The following USP37 variants were observed in gnomAD, a reference collection of about 807,000 sequenced individuals.
USP37 encodes ubiquitin carboxyl-terminal hydrolase 37.
In USP37, 27 loss-of-function variants were observed where a neutral mutation model predicts 124.0. That is an observed-to-expected ratio of 0.22 (90% CI 0.16 to 0.30). The LOEUF is 0.30. USP37 is among the 10% of genes least tolerant of loss of function. The probability of loss-of-function intolerance (pLI) is 1.00; values close to 1 mark genes in which losing one functional copy is unlikely to be tolerated. For missense variants in USP37, 889 were observed against 1,140.4 expected, an observed-to-expected ratio of 0.78 and a Z score of 3.17; for synonymous variants, 365 against 388.0, an observed-to-expected ratio of 0.94 and a Z score of 0.70.
intron 8 of USP37, among the ~76,000 whole-genome samples, chr2:218,536,386 T>A (rs1691646220): frequency 6.6e-6 from 1 of 152,164 alleles, no homozygotes; most frequent in African/African-American, 2.4e-5. Context: ...CACACCAACT[T>A]ATGTTTTTGA....
intron 11 of USP37, among the ~76,000 whole-genome samples, chr2:218,506,943 C>T (rs993447801): frequency 2.0e-5 from 3 of 151,654 alleles, no homozygotes; most frequent in African/African-American, 7.3e-5. Flanking sequence ...ATTACAGGCA[C>T]CCGCCACCAC....
At chr2:218,525,589 A>G (rs1690911352) in intron 10 of USP37, among the ~76,000 whole-genome samples, 1 of 152,228 alleles carries the variant, frequency 6.6e-6, no homozygotes, top group African/African-American at 2.4e-5. Flanking sequence ...ATATCTAACT[A>G]TCTGCTTCCT....
In USP37 at chr2:218,510,010, G is replaced by C; in HGVS notation, c.994C>G (p.Leu332Val). The change falls in exon 11 of 26, where the codon CTT becomes GTT. Residue 332 changes from leucine to valine, a missense_variant. Transcript: ENST00000258399. The part of the protein sequence containing the change: ...YTGWNKPRVP[L>V]SSHQQQQLQG... The stretch of plus-strand genomic sequence containing the variant: ...AGTTGCTGCTGTTGGTGAGAGGAAA[G>C]GGGCACTCTTGGTTTATTCCAGCCA... 6.3e-7 allele frequency: 1 copy of C among 1,590,196 alleles called. No homozygotes were observed. Among genetic ancestry groups the C allele is most frequent in the Non-Finnish European group, 8.6e-7 (1 of 1,163,654 alleles).
chr2:218,495,716 C>T, intron 14 of USP37, 44 bp downstream of exon 14: 1 of 1,546,352 alleles, frequency 6.5e-7, no homozygotes, highest in Non-Finnish European at 8.7e-7. Flanking sequence ...AATCACTTGC[C>T]ATAAAGAAGT....
rs61488353 is a variant in USP37, at chr2:218,557,930, C to CAAAAAAAAAAAAAAAAAAAAAA, written c.156+567_156+568insTTTTTTTTTTTTTTTTTTTTTT. Among the ~76,000 whole-genome samples, 29 of 35,658 alleles carry CAAAAAAAAAAAAAAAAAAAAAA rather than the reference C, an allele frequency of 8.1e-4. 1 individual carries two copies. The highest frequency in any genetic ancestry group is 1.5e-3 in the Admixed American group (3 of 1,940). 23.4% of individuals were successfully genotyped at this position (35,658 alleles called of 152,430 possible). ...TGGGTGACAGAGGAAGACTCTGTCT[C>CAAAAAAAAAAAAAAAAAAAAAA]AAAAAAAAAAAAAAAAAAAAGGTGA... is the stretch of plus-strand genomic sequence containing the variant. On this transcript the variant is annotated intron_variant, in intron 4 of 25. Transcript: ENST00000258399.
intron 9 of USP37, among the ~76,000 whole-genome samples, chr2:218,532,881 A>T (rs988281723): frequency 3.9e-5 from 6 of 151,974 alleles, no homozygotes; most frequent in African/African-American, 1.4e-4. Flanking sequence ...GTGAGACAAG[A>T]TCACACCACT....
At chr2:218,495,670 G>T (rs779242020) in intron 14 of USP37, 90 bp downstream of exon 14, 9 of 1,391,732 alleles carry the variant, frequency 6.5e-6, no homozygotes, top group African/African-American at 1.5e-5. Context: ...AAACAGAAAA[G>T]AATTCATGGC....
chr2:218,457,893 CA>C (rs1423769101), intron 23 of USP37, among the ~76,000 whole-genome samples: 4 of 151,468 alleles, frequency 2.6e-5, no homozygotes, highest in Non-Finnish European at 5.9e-5. Context: ...TAAAAAAACA[CA>C]AAAAATTAGC....
chr2:218,485,775 G>A (rs772053871), intron 15 of USP37, 32 bp from the exon 16 acceptor site: 1 of 1,587,078 alleles, frequency 6.3e-7, no homozygotes, highest in Admixed American at 1.9e-5. Context: ...AAGCATGAAG[G>A]TGAATCAGCA....
chr2:218,528,943 A>G (rs1691145040), intron 10 of USP37: 2 of 403,294 alleles, frequency 5.0e-6, no homozygotes, highest in East Asian at 7.1e-5. Context: ...TTTTTAAGGG[A>G]AATTCCTAAA....
At chr2:218,565,337 T>C (rs1407130596) in intron 1 of USP37, among the ~76,000 whole-genome samples, 1 of 152,242 alleles carries the variant, frequency 6.6e-6, no homozygotes, top group Non-Finnish European at 1.5e-5. Context: ...TGTTAAAATA[T>C]ACAAACCACT....
chr2:218,496,069 G>A (rs560483382), intron 13 of USP37, 119 bp from the exon 14 acceptor site: 29 of 981,096 alleles, frequency 3.0e-5, no homozygotes, highest in South Asian at 1.4e-4. Context: ...TGAGGCAGGC[G>A]GATCACTTGA....
Position 218,454,866 on chromosome 2 carries a change from GA to G in USP37, c.*63del. On this transcript the variant is annotated 3_prime_UTR_variant, in exon 26 of 26. Coordinates refer to ENST00000258399, the MANE Select transcript of USP37 (RefSeq NM_020935.3). ...AATTCCAAATTCTCCTTCAGCAGAG[GA>G]AAGGTGAGGTGGGCAGCAGTAACAA... 6.3e-7 allele frequency: 1 copy of G among 1,585,718 alleles called. No homozygotes were observed. The highest frequency in any genetic ancestry group is 1.1e-5 in the South Asian group (1 of 88,032).
At chr2:218,518,887 T>C (rs1057475219) in intron 10 of USP37, among the ~76,000 whole-genome samples, 6 of 152,238 alleles carry the variant, frequency 3.9e-5, no homozygotes, top group Admixed American at 3.3e-4. Context: ...TGCCACACTA[T>C]GTCTCCGGGA....
At chr2:218,493,601 G>C (rs1004235006) in intron 14 of USP37, among the ~76,000 whole-genome samples, 1 of 152,106 alleles carries the variant, frequency 6.6e-6, no homozygotes, top group African/African-American at 2.4e-5. Flanking sequence ...CTCCCTAGTA[G>C]CTGGGACTAC....
chr2:218,455,150 T>A, intron 25 of USP37, 133 bp from the exon 26 acceptor site: 2 of 1,106,880 alleles, frequency 1.8e-6, no homozygotes, highest in Non-Finnish European at 2.6e-6. Context: ...GTATTTTATT[T>A]AAAAAGCAGC....
chr2:218,562,656 A>T lies in USP37; in HGVS notation c.-89+17T>A, dbSNP rs1013904508. 2.5e-6 allele frequency: 1 copy of T among 398,280 alleles called. No homozygotes were observed. The highest frequency in any genetic ancestry group is 2.1e-5 in the African/African-American group (1 of 48,620). The allele number at this position is 398,280 out of a possible 1,614,324, so 24.7% of individuals were successfully genotyped here. A position where few individuals can be genotyped will look rare whatever the true frequency, so the allele number is the denominator to read the frequency against. On this transcript the variant is annotated intron_variant, in intron 2 of 25. Transcript: ENST00000258399. ...ATGCTCTTTGAAACATATATCCAAA[A>T]CAAAAACATTACTTACTTTTCAGTG...
chr2:218,516,978 T>C (rs1559201160), intron 10 of USP37, among the ~76,000 whole-genome samples: 2 of 152,202 alleles, frequency 1.3e-5, no homozygotes, highest in African/African-American at 2.4e-5. Context: ...TTCTCTGACA[T>C]TGCAAGCCTG....
Position 218,482,077 on chromosome 2 carries a change from T to C in USP37, c.1828A>G (p.Met610Val), listed in dbSNP as rs1325541941. ...AGTCTCTCAAGGACTTACATTGCCA[T>C]ATGTGCACTCCAACCAAGGGTAAAA... ...PPFTLGWSAH[M>V]AISRPLKASQ... The change falls in exon 17 of 26, where the codon ATG becomes GTG. Residue 610 changes from methionine (M) to valine (V), a missense_variant. Transcript: ENST00000258399. 4 of 1,611,068 alleles carry C rather than the reference T, an allele frequency of 2.5e-6. No homozygotes were observed.
Sources: allele counts gnomAD v4.1 joint callset (sites outside exome capture counted in the v4.1 genomes callset), GRCh38; gene constraint gnomAD v4.1.1; transcripts MANE v1.5; gene names NCBI Gene and HGNC (gene_info 2026-07-23, HGNC 2026-07-21).